NCSTN: variants seen among roughly 807,000 people sequenced by gnomAD.
NCSTN encodes nicastrin.
NCSTN carries 22 observed loss-of-function variants against 87.0 expected under a neutral mutation model. That is an observed-to-expected ratio of 0.25 (90% CI 0.18 to 0.36). The LOEUF is 0.36. Among genes scored for constraint, NCSTN ranks in the 10% least tolerant of loss-of-function variants. NCSTN has a pLI of 1.00. For synonymous variants in NCSTN, 306 were observed against 327.1 expected (o/e 0.94, Z 0.69); for missense variants, 693 against 883.3 (o/e 0.78, Z 2.73).
intron 1 of NCSTN, chr1:160,343,810 A>C (rs1022356826): frequency 6.7e-6 from 4 of 596,806 alleles, no homozygotes; most frequent in Non-Finnish European, 1.3e-5. Context: ...CAGGTGTGAA[A>C]GTTAGCTTTC....
intron 11 of NCSTN, among the ~76,000 whole-genome samples, chr1:160,354,853 A>G (rs1412070273): frequency 1.3e-5 from 2 of 152,162 alleles, no homozygotes; most frequent in African/African-American, 2.4e-5. Flanking sequence ...CTTGGATAAC[A>G]GGGGACTTCT....
rs1230029559 is a variant in NCSTN at position 160,351,693 on chromosome 1, T to G, written c.734-3T>G. 6.3e-7 allele frequency: 1 copy of G among 1,588,092 alleles called. No individual in the cohort carries two copies. Among genetic ancestry groups the G allele is most frequent in the Non-Finnish European group, 8.6e-7 (1 of 1,156,366 alleles). ...GATCTCTCATTGTTTGTGTCCTGCT[T>G]AGAAATCGTCTGTGACCCCCTGTCT... On this transcript the variant is annotated splice_polypyrimidine_tract_variant and splice_region_variant and intron_variant, in intron 6 of 16. Coordinates refer to ENST00000294785, the MANE Select transcript of NCSTN (RefSeq NM_015331.3).
At chr1:160,357,495 C>G (rs1412978343) in intron 16 of NCSTN, among the ~76,000 whole-genome samples, 1 of 152,220 alleles carries the variant, frequency 6.6e-6, no homozygotes, top group Non-Finnish European at 1.5e-5. Context: ...ACCTCCGTCC[C>G]TTGGGTTTAA....
In NCSTN at chr1:160,350,784, T is replaced by A. The variant is rs536668923; in HGVS notation, c.583-438T>A. Among the ~76,000 whole-genome samples, 248 of 152,320 alleles carry A rather than the reference T, an allele frequency of 1.6e-3. 1 individual carries two copies. The highest frequency in any genetic ancestry group is 9.6e-4 in the Non-Finnish European group (65 of 68,032). On this transcript the variant is annotated intron_variant, in intron 5 of 16. Coordinates refer to ENST00000294785, the MANE Select transcript of NCSTN (RefSeq NM_015331.3). ...TTTCTGAGCTTCTTTTTAGCTCTAA[T>A]ATGCCTTAATTCTGGTCTAGTATTT...
In NCSTN at chr1:160,357,088, G is replaced by A. The variant is rs776792396; in HGVS notation, c.1842G>A (p.Thr614=). 5.6e-6 allele frequency: 9 copies of A among 1,613,908 alleles called. No homozygotes were observed. The highest frequency in any genetic ancestry group is 4.0e-5 in the African/African-American group (3 of 74,866). ...AGGGCCCTTTGCATTCTAATGAGAC[G>A]GACCGACTCCCCCGGTGTGTGCGTT... ...WVQGPLHSNE[T]DRLPRCVRST... The change falls in exon 16 of 17, where the codon ACG becomes ACA. Residue 614 remains threonine, a synonymous_variant. Coordinates refer to ENST00000294785, the MANE Select transcript of NCSTN (RefSeq NM_015331.3).
chr1:160,345,558 G>T (rs1648434342), intron 2 of NCSTN, among the ~76,000 whole-genome samples: 1 of 152,104 alleles, frequency 6.6e-6, no homozygotes, highest in Non-Finnish European at 1.5e-5. Context: ...ATATTCTATG[G>T]TGTCCAGTTA....
At chr1:160,343,540 C>T in intron 1 of NCSTN, 59 bp downstream of exon 1, 2 of 1,478,108 alleles carry the variant, frequency 1.4e-6, no homozygotes, top group Non-Finnish European at 9.3e-7. Context: ...ATCGGCCCCG[C>T]CGCGACCGCC....
At chr1:160,344,143 T>G (rs1219923056) in intron 1 of NCSTN, among the ~76,000 whole-genome samples, 1 of 152,100 alleles carries the variant, frequency 6.6e-6, no homozygotes, top group Non-Finnish European at 1.5e-5. Context: ...AAAATGCAAA[T>G]GCCTGTATAT....
intron 11 of NCSTN, among the ~76,000 whole-genome samples, chr1:160,354,728 T>C (rs1268314548): frequency 6.6e-6 from 1 of 152,150 alleles, no homozygotes; most frequent in East Asian, 1.9e-4. Context: ...GTTCTTGCCA[T>C]GTGGTAGATG....
intron 2 of NCSTN, 50 bp downstream of exon 2, chr1:160,344,876 C>T (rs1419203565): frequency 1.4e-6 from 2 of 1,464,106 alleles, no homozygotes; most frequent in Admixed American, 3.4e-5. Flanking sequence ...TGTCTGTGCC[C>T]TAGATACTAA....
At chr1:160,345,938 G>GAAAAA (rs56358787) in intron 2 of NCSTN, among the ~76,000 whole-genome samples, 25 of 59,768 alleles carry the variant, frequency 4.2e-4, no homozygotes, top group East Asian at 5.0e-4. Flanking sequence ...GACACTGTCT[G>GAAAAA]AAAAAAAAAA....
chr1:160,352,705 G>T (rs576905066), intron 8 of NCSTN, among the ~76,000 whole-genome samples, 182 bp from the exon 9 acceptor site: 27 of 152,302 alleles, frequency 1.8e-4, no homozygotes, highest in Non-Finnish European at 3.8e-4. Flanking sequence ...ACATATGAGG[G>T]ATAGTCACAG....
At position 160,344,463 on chromosome 1, in the gene NCSTN, TTCTC is replaced by T. The variant is rs141560530; in HGVS notation, c.86-255_86-252del. 8,363 of 1,494,834 alleles carry T rather than the reference TTCTC, an allele frequency of 5.6e-3. 402 individuals are homozygous for T. In the African/African-American group the frequency reaches 0.1, roughly 19 times the overall value. The allele number at this position is 1,494,834 out of a possible 1,614,324, so 92.6% of individuals were successfully genotyped here. A position where few individuals can be genotyped will look rare whatever the true frequency, so the allele number is the denominator to read the frequency against. Reference sequence around the variant, plus strand: ...CAAACACCTTTCCTTTGACCAAGTTTTCTCTCTTTTAGTGTCACTGTCAATGGCG... The same window carrying T: ...CAAACACCTTTCCTTTGACCAAGTTTTCTTTTAGTGTCACTGTCAATGGCG... On this transcript the variant is annotated intron_variant, in intron 1 of 16. Transcript: ENST00000294785.
intron 2 of NCSTN, among the ~76,000 whole-genome samples, chr1:160,348,533 A>T (rs1557883784): frequency 6.6e-6 from 1 of 152,224 alleles, no homozygotes; most frequent in Non-Finnish European, 1.5e-5. Flanking sequence ...GAAGCAAGTA[A>T]AGTCATTCCC....
intron 16 of NCSTN, 30 bp downstream of exon 16, chr1:160,357,283 G>A: frequency 6.3e-7 from 1 of 1,576,512 alleles, no homozygotes; most frequent in South Asian, 1.1e-5. Context: ...TAGGTGGCAG[G>A]GATCTGTTTG....
At chr1:160,344,526 A>T (rs1228047002) in intron 1 of NCSTN, 196 bp from the exon 2 acceptor site, 2 of 1,549,026 alleles carry the variant, frequency 1.3e-6, no homozygotes, top group Middle Eastern at 2.2e-4. Flanking sequence ...TTTGAGGCAC[A>T]TAGCTGGGTG....
At chr1:160,343,932 G>T in intron 1 of NCSTN, 8 of 220,056 alleles carry the variant, frequency 3.6e-5, no homozygotes, top group East Asian at 1.7e-4. Flanking sequence ...TCCTAAGTCT[G>T]TGTCCCCCTG....
intron 1 of NCSTN, 118 bp from the exon 2 acceptor site, chr1:160,344,604 C>T: frequency 6.4e-7 from 1 of 1,554,930 alleles, no homozygotes; most frequent in South Asian, 1.2e-5. Context: ...ACTTTAATCT[C>T]ATTTTAGAAA....
At chr1:160,348,694 T>C (rs184874101) in intron 2 of NCSTN, among the ~76,000 whole-genome samples, 87 of 152,344 alleles carry the variant, frequency 5.7e-4, no homozygotes, top group Non-Finnish European at 9.8e-4. Flanking sequence ...AAAACTTTGG[T>C]GTCTATTGTT....
Sources: allele counts gnomAD v4.1 joint callset (sites outside exome capture counted in the v4.1 genomes callset), GRCh38; gene constraint gnomAD v4.1.1; transcripts MANE v1.5; gene names NCBI Gene and HGNC (gene_info 2026-07-23, HGNC 2026-07-21).